TANK: variants seen among roughly 807,000 people sequenced by gnomAD.
The protein encoded by TANK is TRAF family member associated NFKB activator.
Under a neutral mutation model 43.6 loss-of-function variants are expected in TANK, and 15 were observed. The observed-to-expected ratio is 0.34, with a 90% confidence interval of 0.23 to 0.53. TANK has a LOEUF of 0.53. Ranked by LOEUF, TANK falls within the 20% of genes least tolerant of loss-of-function variation. The pLI is 0.94. For missense variants in TANK, 417 were observed against 498.6 expected, an observed-to-expected ratio of 0.84 and a Z score of 1.56; for synonymous variants, 162 against 178.2, an observed-to-expected ratio of 0.91 and a Z score of 0.73.
At chr2:161,167,722 A>C (rs948632314) in intron 1 of TANK, among the ~76,000 whole-genome samples, 1 of 151,898 alleles carries the variant, frequency 6.6e-6, no homozygotes, top group Non-Finnish European at 1.5e-5. Context: ...TCCTGGGTTC[A>C]CTCCATTCTT....
At chr2:161,225,730 GCTGA>G (rs550434029) in intron 6 of TANK, among the ~76,000 whole-genome samples, 132 of 152,278 alleles carry the variant, frequency 8.7e-4, no homozygotes, top group African/African-American at 3.0e-3. Context: ...TTGCAGTCTT[GCTGA>G]CTAACACCCT....
intron 1 of TANK, among the ~76,000 whole-genome samples, chr2:161,149,831 A>G (rs1684023636): frequency 6.6e-6 from 1 of 152,038 alleles, no homozygotes; most frequent in Non-Finnish European, 1.5e-5. Flanking sequence ...TACAGGGATA[A>G]ATCACACTTG....
intron 4 of TANK, among the ~76,000 whole-genome samples, chr2:161,216,826 T>A (rs1687139457): frequency 1.3e-5 from 2 of 152,202 alleles, no homozygotes; most frequent in Non-Finnish European, 2.9e-5. Flanking sequence ...GCCACAATTA[T>A]TCTAGGTCAC....
chr2:161,140,935 C>T (rs1426410295), intron 1 of TANK, among the ~76,000 whole-genome samples: 2 of 152,014 alleles, frequency 1.3e-5, no homozygotes, highest in African/African-American at 4.8e-5. Context: ...ACAGCATCCC[C>T]TATTATTAAC....
chr2:161,145,133 CTTTTTTTTTT>C (rs144526006), intron 1 of TANK, among the ~76,000 whole-genome samples: 33 of 32,878 alleles, frequency 1.0e-3, no homozygotes, highest in African/African-American at 3.8e-3. Context: ...GCAACCCCTG[CTTTTTTTTTT>C]TTTTTTTTTT....
chr2:161,211,228 G>C (rs1452618510), intron 4 of TANK, among the ~76,000 whole-genome samples: 1 of 152,176 alleles, frequency 6.6e-6, no homozygotes, highest in East Asian at 1.9e-4. Flanking sequence ...ATCTTCTGTA[G>C]CTAATAAAAT....
At chr2:161,207,310 G>A (rs887445819) in intron 4 of TANK, 1 of 766,548 alleles carries the variant, frequency 1.3e-6, no homozygotes, top group Admixed American at 6.2e-5. Context: ...TCCAAGTAAG[G>A]AATAAACCTA....
At chr2:161,178,673 C>T (rs145424090) in intron 1 of TANK, among the ~76,000 whole-genome samples, 2 of 151,994 alleles carry the variant, frequency 1.3e-5, no homozygotes, top group East Asian at 3.9e-4. Flanking sequence ...AATTGTATCT[C>T]AATTGAAAAT....
chr2:161,227,772 T>G (rs1041211959), intron 6 of TANK, among the ~76,000 whole-genome samples: 2 of 152,210 alleles, frequency 1.3e-5, no homozygotes, highest in African/African-American at 2.4e-5. Context: ...TTTTCCTGAT[T>G]TGTTATTTGC....
intron 6 of TANK, 52 bp downstream of exon 6, chr2:161,224,798 T>A (rs1687528890): frequency 1.8e-6 from 2 of 1,133,632 alleles, no homozygotes; most frequent in East Asian, 5.2e-5. Context: ...TTGAAATTGA[T>A]TTCCTTTTGA....
intron 2 of TANK, among the ~76,000 whole-genome samples, chr2:161,196,888 A>G (rs1686177020): frequency 6.6e-6 from 1 of 152,220 alleles, no homozygotes; most frequent in African/African-American, 2.4e-5. Flanking sequence ...AGGTTGGTTT[A>G]AGGATTAAAT....
intron 1 of TANK, among the ~76,000 whole-genome samples, chr2:161,145,347 G>A (rs1234053027): frequency 2.6e-5 from 4 of 151,660 alleles, no homozygotes; most frequent in African/African-American, 9.7e-5. Context: ...AATGTTATAT[G>A]TGAATTTGAT....
At chr2:161,155,931 G>A (rs949944161), upstream of TANK, 5 of 550,220 alleles carry the variant, frequency 9.1e-6, no homozygotes, top group Non-Finnish European at 1.2e-5. Flanking sequence ...TTAGCACATA[G>A]CAAATATTCC....
chr2:161,188,306 TAAAA>T (rs1685758069), intron 2 of TANK, among the ~76,000 whole-genome samples: 2 of 152,044 alleles, frequency 1.3e-5, no homozygotes, highest in South Asian at 4.2e-4. Context: ...TTAGCTTGAC[TAAAA>T]AAAGAGGGAA....
chr2:161,156,443 T>C (rs977463885), upstream of TANK: 3 of 864,030 alleles, frequency 3.5e-6, no homozygotes, highest in African/African-American at 5.5e-5. Flanking sequence ...TCTTTTTGCA[T>C]AGAAAATACA....
chr2:161,207,451 GTC>G, intron 4 of TANK: 2 of 982,000 alleles, frequency 2.0e-6, no homozygotes, highest in Non-Finnish European at 2.4e-6. Context: ...AAAATTAACT[GTC>G]TTGCAGTTCA....
chr2:161,150,876 C>T (rs1385700272), intron 1 of TANK, among the ~76,000 whole-genome samples: 1 of 152,150 alleles, frequency 6.6e-6, no homozygotes, highest in Non-Finnish European at 1.5e-5. Context: ...CAGGCGTGAG[C>T]CAGCATGCCC....
chr2:161,197,787 A>G (rs1574022418), intron 2 of TANK, among the ~76,000 whole-genome samples: 2 of 152,230 alleles, frequency 1.3e-5, no homozygotes, highest in South Asian at 4.1e-4. Flanking sequence ...AGCCCTTATA[A>G]CTTAATACCT....
rs142599112 is a variant in TANK, at chr2:161,204,791, A to G, written c.325A>G (p.Lys109Glu). ...AGGAATAGCAAGAGAAAAACTACCA[A>G]AGGTAGACATTGCTTCTGCAGAAAG... ...ISGIAREKLPKVRRQEVSSPR... is the reference protein window; with the variant it reads ...ISGIAREKLPEVRRQEVSSPR... The change falls in exon 4 of 8, where the codon AAG becomes GAG. Residue 109 changes from lysine (K) to glutamate (E), a missense_variant and splice_region_variant. Lys to Glu is a moderately conservative substitution (Grantham distance 56). Transcript: ENST00000392749. 3.4e-5 allele frequency: 54 copies of G among 1,605,388 alleles called. No individual in the cohort carries two copies. In the African/African-American group the frequency reaches 6.1e-4, roughly 18 times the overall value.
Sources: allele counts gnomAD v4.1 joint callset (sites outside exome capture counted in the v4.1 genomes callset), GRCh38; gene constraint gnomAD v4.1.1; transcripts MANE v1.5; gene names NCBI Gene and HGNC (gene_info 2026-07-23, HGNC 2026-07-21).